AKAP13: variants seen among roughly 807,000 people sequenced by gnomAD.
AKAP13 encodes A-kinase anchoring protein 13.
A neutral mutation model predicts 264.5 loss-of-function variants in AKAP13; 80 were observed. That is an observed-to-expected ratio of 0.30 (90% CI 0.25 to 0.36). AKAP13 has a LOEUF of 0.36. AKAP13 is among the 10% of genes least tolerant of loss of function. The probability of loss-of-function intolerance (pLI) is 1.00; values close to 1 mark genes in which losing one functional copy is unlikely to be tolerated. For synonymous variants in AKAP13, 1,380 were observed against 1,250.2 expected (o/e 1.10, Z -2.19); for missense variants, 3,712 against 3,435.2 (o/e 1.08, Z -2.01).
chr15:85,563,760 G>A (rs1304177297), intron 5 of AKAP13, among the ~76,000 whole-genome samples: 1 of 152,136 alleles, frequency 6.6e-6, no homozygotes, highest in East Asian at 1.9e-4. Context: ...TTTATTGACT[G>A]CCTACTGTGT....
At chr15:85,557,469 G>A (rs2078191747) in intron 5 of AKAP13, among the ~76,000 whole-genome samples, 2 of 152,018 alleles carry the variant, frequency 1.3e-5, no homozygotes, top group African/African-American at 2.4e-5. Context: ...TTTTTGTTAG[G>A]TGTGGTTTTT....
At chr15:85,541,262 G>A (rs2077572636) in intron 4 of AKAP13, among the ~76,000 whole-genome samples, 1 of 152,212 alleles carries the variant, frequency 6.6e-6, no homozygotes, top group South Asian at 2.1e-4. Flanking sequence ...GAAGTGGACT[G>A]ATATCTTCAA....
rs577908068 is a variant in AKAP13 at position 85,489,612 on chromosome 15, C to T, written c.33+3859C>T. On this transcript the variant is annotated intron_variant, in intron 2 of 36. Coordinates refer to ENST00000394518, the MANE Select transcript of AKAP13 (RefSeq NM_007200.5). ...TTTTCATTTAGATCATATTTGGGAT[C>T]TGCCAGGGGTGAGTATCATCATTAG... Among the ~76,000 whole-genome samples the T allele has an allele frequency of 2.6e-5, 4 of 152,282 alleles. No homozygotes were observed. The South Asian group carries it at 6.2e-4, about 24-fold the overall frequency.
In AKAP13 at chr15:85,552,628, C is replaced by CTTT. The variant is rs55743971; in HGVS notation, c.662+8688_662+8690dup. Among the ~76,000 whole-genome samples the CTTT allele has an allele frequency of 6.3e-3, 782 of 125,046 alleles. 26 individuals are homozygous for CTTT. Among genetic ancestry groups the CTTT allele is most frequent in the African/African-American group, 0.02 (660 of 32,678 alleles). 82.0% of individuals were successfully genotyped at this position (125,046 alleles called of 152,430 possible). A position where few individuals can be genotyped will look rare whatever the true frequency, so the allele number is the denominator to read the frequency against. On this transcript the variant is annotated intron_variant, in intron 5 of 36. Transcript: ENST00000394518. ...GATAATTTATCATCGTTTTTTTGGC[C>CTTT]TTTTTTTTTTTTTTTTTGAGACGGA... is the stretch of plus-strand genomic sequence containing the variant.
At chr15:85,396,225 G>A (rs775558989) in intron 1 of AKAP13, among the ~76,000 whole-genome samples, 1 of 152,240 alleles carries the variant, frequency 6.6e-6, no homozygotes, top group Non-Finnish European at 1.5e-5. Context: ...GTTTGGTATT[G>A]ACCAAGTTTG....
At chr15:85,540,343 A>G (rs2077543498) in intron 4 of AKAP13, among the ~76,000 whole-genome samples, 1 of 152,210 alleles carries the variant, frequency 6.6e-6, no homozygotes, top group Non-Finnish European at 1.5e-5. Context: ...TATCCTGCCC[A>G]CATAATCCAG....
chr15:85,426,870 T>C (rs1392892341), intron 1 of AKAP13, among the ~76,000 whole-genome samples: 1 of 152,144 alleles, frequency 6.6e-6, no homozygotes. Context: ...CCATCATTGG[T>C]ATGTAGTTGT....
At chr15:85,587,125 T>C (rs11636818) in intron 8 of AKAP13, among the ~76,000 whole-genome samples, 93,468 of 151,962 alleles carry the variant, frequency 0.62, 28,890 homozygotes, top group Middle Eastern at 0.72. Context: ...ATTATCACTC[T>C]AAGAAGAAAC....
chr15:85,537,647 G>T (rs901555643), intron 4 of AKAP13, among the ~76,000 whole-genome samples: 1 of 152,146 alleles, frequency 6.6e-6, no homozygotes, highest in Non-Finnish European at 1.5e-5. Context: ...GTTTAACTTT[G>T]CTCTTACAAA....
At chr15:85,697,822 T>A (rs1431547380) in intron 17 of AKAP13, among the ~76,000 whole-genome samples, 2 of 152,206 alleles carry the variant, frequency 1.3e-5, no homozygotes, top group Admixed American at 1.3e-4. Flanking sequence ...GTCTAGAAAG[T>A]CTTAATGACT....
chr15:85,595,185 A>G (rs2079760546), intron 8 of AKAP13, among the ~76,000 whole-genome samples: 1 of 152,000 alleles, frequency 6.6e-6, no homozygotes. Context: ...CTGCAGCCTC[A>G]ACTTCCTGGG....
intron 14 of AKAP13, among the ~76,000 whole-genome samples, chr15:85,676,537 A>T (rs1196289303): frequency 6.6e-6 from 1 of 152,206 alleles, no homozygotes; most frequent in Admixed American, 6.5e-5. Context: ...ATGAGCCTAG[A>T]TCTAAACAGA....
chr15:85,695,616 C>T (rs2085523982), intron 17 of AKAP13, among the ~76,000 whole-genome samples: 1 of 152,154 alleles, frequency 6.6e-6, no homozygotes, highest in Admixed American at 6.5e-5. Flanking sequence ...GTTACACCCC[C>T]AAAGTAGTCA....
Position 85,741,289 on chromosome 15 carries a change from C to T in AKAP13, c.7852C>T (p.Leu2618Phe), listed in dbSNP as rs1016334307. ...RERELREREA[L>F]LAQREEEVQQ... is the part of the protein sequence containing the mutation. ...GAGGGAGCTGCGGGAGCGGGAGGCC[C>T]TCCTGGCCCAGCGCGAGGAGGAGGT... The change falls in exon 35 of 37, where the codon CTC (leucine) becomes TTC (phenylalanine). Residue 2618 changes from leucine (L) to phenylalanine (F), a missense_variant. Coordinates refer to ENST00000394518, the MANE Select transcript of AKAP13 (RefSeq NM_007200.5). 46 of 1,611,026 alleles carry T rather than the reference C, an allele frequency of 2.9e-5. 1 individual carries two copies. The Middle Eastern group carries it at 8.8e-4, about 31-fold the overall frequency.
chr15:85,586,531 C>CT (rs1157044705), intron 8 of AKAP13, among the ~76,000 whole-genome samples: 5 of 152,044 alleles, frequency 3.3e-5, no homozygotes, highest in Non-Finnish European at 7.4e-5. Flanking sequence ...CCTGACTCTT[C>CT]TTTCTTTATA....
chr15:85,719,795 C>T (rs1046142434), intron 23 of AKAP13, among the ~76,000 whole-genome samples: 4 of 151,470 alleles, frequency 2.6e-5, no homozygotes, highest in Non-Finnish European at 5.9e-5. Context: ...ATTAGCCAGG[C>T]GTGGTGGCAT....
At chr15:85,509,583 G>A (rs1221178097) in intron 2 of AKAP13, among the ~76,000 whole-genome samples, 1 of 152,130 alleles carries the variant, frequency 6.6e-6, no homozygotes, top group Non-Finnish European at 1.5e-5. Flanking sequence ...CTGCTTTGCT[G>A]TGACCGTGCC....
At chr15:85,617,630 A>C (rs374718876) in intron 8 of AKAP13, among the ~76,000 whole-genome samples, 2 of 152,336 alleles carry the variant, frequency 1.3e-5, no homozygotes, top group East Asian at 3.9e-4. Flanking sequence ...ATTTGATTCT[A>C]ATTAAAACAG....
chr15:85,670,670 T>C (rs953743156), intron 14 of AKAP13: 1 of 151,978 alleles, frequency 6.6e-6, no homozygotes, highest in Non-Finnish European at 1.5e-5. Flanking sequence ...TCCATAAACT[T>C]GTCAGTGGAG....
Sources: gnomAD v4.1 joint callset for allele counts (sites outside exome capture counted in the v4.1 genomes callset) on GRCh38, gnomAD v4.1.1 for gene constraint, MANE v1.5 for transcripts, NCBI Gene and HGNC (gene_info 2026-07-23, HGNC 2026-07-21) for gene names.